RBFOX1: variants seen among roughly 807,000 people sequenced by gnomAD.
RBFOX1 encodes RNA binding protein fox-1 homolog 1.
In RBFOX1, 8 loss-of-function variants were observed where a neutral mutation model predicts 57.7. The ratio of observed to expected loss-of-function variants is 0.14; its 90% confidence interval spans 0.08 to 0.25. The LOEUF (loss-of-function observed/expected upper bound fraction) is 0.25, where lower values mean the gene tolerates loss of function less well. Among genes scored for constraint, RBFOX1 ranks in the 10% least tolerant of loss-of-function variants. The pLI, the probability that RBFOX1 is intolerant of heterozygous loss-of-function variation, is 1.00. For synonymous variants in RBFOX1, 326 were observed against 222.4 expected (o/e 1.47, Z -4.15); for missense variants, 611 against 548.5 (o/e 1.11, Z -1.14).
chr16:6,612,818 C>G (rs2098081953), intron 2 of RBFOX1, among the ~76,000 whole-genome samples: 1 of 148,704 alleles, frequency 6.7e-6, no homozygotes, highest in African/African-American at 2.5e-5. Flanking sequence ...TGCCACTGCA[C>G]TCCAGCCTGG....
At chr16:6,948,050 A>G (rs1342038414) in intron 3 of RBFOX1, among the ~76,000 whole-genome samples, 2 of 152,174 alleles carry the variant, frequency 1.3e-5, no homozygotes, top group Non-Finnish European at 2.9e-5. Context: ...AAATGTTGGG[A>G]TTACAAGCAT....
chr16:5,828,613 C>T (rs902964026), intron 3 of RBFOX1, among the ~76,000 whole-genome samples: 23 of 151,910 alleles, frequency 1.5e-4, no homozygotes, highest in East Asian at 9.7e-4. Context: ...GCAGGAGGAT[C>T]GGTTGAACCC....
chr16:7,610,118 C>CCTTTTTT (rs71394327), intron 10 of RBFOX1, among the ~76,000 whole-genome samples: 6 of 65,622 alleles, frequency 9.1e-5, no homozygotes, highest in African/African-American at 4.8e-4. Context: ...GCCCGGCCCC[C>CCTTTTTT]TTTTTTTTTT....
At chr16:7,561,903 G>A (rs1300348136) in intron 5 of RBFOX1, among the ~76,000 whole-genome samples, 1 of 152,124 alleles carries the variant, frequency 6.6e-6, no homozygotes, top group Admixed American at 6.6e-5. Context: ...GAGCTAAGTG[G>A]AATTTAGGAT....
chr16:7,013,422 T>C (rs1221210064), intron 3 of RBFOX1, among the ~76,000 whole-genome samples: 2 of 152,146 alleles, frequency 1.3e-5, no homozygotes, highest in African/African-American at 2.4e-5. Context: ...TCTGGAGACA[T>C]GTTTGGTTGC....
intron 4 of RBFOX1, among the ~76,000 whole-genome samples, chr16:7,167,131 G>A (rs559349860): frequency 4.6e-5 from 7 of 151,194 alleles, no homozygotes; most frequent in African/African-American, 1.7e-4. Context: ...GACTACAGGT[G>A]CCTGTCATCA....
At chr16:5,239,982 G>T in exon 1 of RBFOX1, 1 of 1,455,128 alleles carries the variant, frequency 6.9e-7, no homozygotes, top group South Asian at 1.2e-5. Flanking sequence ...CTCCCGAAGA[G>T]AAGAGGCTGC....
chr16:6,558,239 G>C (rs111862823), intron 2 of RBFOX1, among the ~76,000 whole-genome samples: 39 of 152,138 alleles, frequency 2.6e-4, no homozygotes, highest in African/African-American at 3.9e-4. Flanking sequence ...TATGTGGCTC[G>C]TCCCCACCTC....
intron 1 of RBFOX1, among the ~76,000 whole-genome samples, chr16:5,265,129 A>G (rs2062827207): frequency 6.6e-6 from 1 of 152,218 alleles, no homozygotes; most frequent in Non-Finnish European, 1.5e-5. Flanking sequence ...ATAAAATAGA[A>G]AAAATCTGAG....
intron 2 of RBFOX1, among the ~76,000 whole-genome samples, chr16:5,524,532 G>A (rs1367737958): frequency 1.4e-5 from 2 of 140,916 alleles, no homozygotes; most frequent in East Asian, 2.5e-4. Context: ...TTGCTGGGTT[G>A]AGTAGTAGTT....
At chr16:5,853,335 A>T (rs1221955451) in intron 3 of RBFOX1, among the ~76,000 whole-genome samples, 1 of 152,158 alleles carries the variant, frequency 6.6e-6, no homozygotes, top group African/African-American at 2.4e-5. Context: ...TGCACAGTTA[A>T]ATCTCCCCAA....
chr16:5,765,931 C>G (rs1300237150), intron 3 of RBFOX1, among the ~76,000 whole-genome samples: 1 of 152,210 alleles, frequency 6.6e-6, no homozygotes, highest in Non-Finnish European at 1.5e-5. Context: ...TGTTCCACCA[C>G]TACCCAGCTA....
chr16:7,354,800 G>C (rs1196487448), intron 4 of RBFOX1, among the ~76,000 whole-genome samples: 1 of 152,154 alleles, frequency 6.6e-6, no homozygotes, highest in South Asian at 2.1e-4. Context: ...GTGCCTAGGA[G>C]CTACATGTGG....
chr16:6,808,143 C>T (rs1011767400), intron 3 of RBFOX1, among the ~76,000 whole-genome samples: 7 of 134,408 alleles, frequency 5.2e-5, no homozygotes, highest in East Asian at 2.1e-4. Flanking sequence ...ATATAATATG[C>T]ATATTATACC....
intron 2 of RBFOX1, among the ~76,000 whole-genome samples, chr16:6,570,913 C>T (rs748377221): frequency 3.9e-5 from 6 of 152,078 alleles, no homozygotes; most frequent in African/African-American, 7.2e-5. Flanking sequence ...TCTTGCAGGG[C>T]CTTTGATTGA....
At chr16:5,422,657 G>A (rs986837681) in intron 1 of RBFOX1, among the ~76,000 whole-genome samples, 2 of 118,136 alleles carry the variant, frequency 1.7e-5, no homozygotes, top group African/African-American at 6.6e-5. Context: ...TGGGAGGAAA[G>A]AGGAGGAGGG....
At chr16:6,755,507 T>C (rs962097275) in intron 3 of RBFOX1, among the ~76,000 whole-genome samples, 1 of 152,198 alleles carries the variant, frequency 6.6e-6, no homozygotes, top group African/African-American at 2.4e-5. Flanking sequence ...TCTCCTGTTT[T>C]AATGCCAAGA....
intron 3 of RBFOX1, among the ~76,000 whole-genome samples, chr16:6,852,287 T>A (rs961766706): frequency 3.3e-5 from 5 of 152,108 alleles, no homozygotes; most frequent in African/African-American, 9.7e-5. Flanking sequence ...CCGTTCTGTG[T>A]GTGCCTCTGC....
chr16:7,256,741 C>T (rs9933072), intron 4 of RBFOX1, among the ~76,000 whole-genome samples: 86,319 of 151,624 alleles, frequency 0.57, 25,136 homozygotes, highest in African/African-American at 0.65. Flanking sequence ...TCACTGGTGC[C>T]AAATGTCAGT....
Sources: allele counts gnomAD v4.1 joint callset (sites outside exome capture counted in the v4.1 genomes callset), GRCh38; gene constraint gnomAD v4.1.1; transcripts MANE v1.5; gene names NCBI Gene and HGNC (gene_info 2026-07-23, HGNC 2026-07-21).